The following CDH15 variants were observed in gnomAD, a reference collection of about 807,000 sequenced individuals.
CDH15 encodes the protein cadherin-15.
CDH15 carries 73 observed loss-of-function variants against 69.4 expected under a neutral mutation model. The ratio of observed to expected loss-of-function variants is 1.05; its 90% CI spans 0.87 to 1.28. CDH15 has a LOEUF of 1.28. Ranked by LOEUF, CDH15 falls within the 50% of genes most tolerant of loss-of-function variation. The pLI is 0.00. For synonymous variants in CDH15, 624 were observed against 507.7 expected, an observed-to-expected ratio of 1.23 and a Z score of -3.08; for missense variants, 1,343 against 1,133.6, an observed-to-expected ratio of 1.18 and a Z score of -2.65.
chr16:89,187,237 G>A (rs1168225635), intron 5 of CDH15, among the ~76,000 whole-genome samples, 192 bp from the exon 6 acceptor site: 1 of 152,254 alleles, frequency 6.6e-6, no homozygotes, highest in Non-Finnish European at 1.5e-5. Context: ...CAGTGCCATA[G>A]GCTAGGGCAG....
chr16:89,188,456 G>A (rs1199457388), intron 7 of CDH15, among the ~76,000 whole-genome samples, 171 bp downstream of exon 7: 1 of 97,990 alleles, frequency 1.0e-5, no homozygotes. Context: ...ACACATGCCG[G>A]CACACACAGA....
At chr16:89,188,638 ATGCACAGATGC>A (rs1304161507) in intron 7 of CDH15, among the ~76,000 whole-genome samples, 8 of 144,552 alleles carry the variant, frequency 5.5e-5, no homozygotes, top group East Asian at 2.2e-4. Context: ...ACAGATGCCC[ATGCACAGATGC>A]CGGCACACAC....
Position 89,171,814 on chromosome 16 carries a change from G to GCTCCCGC in CDH15, c.-14_-8dup. 6.5e-7 allele frequency: 1 copy of GCTCCCGC among 1,549,898 alleles called. No individual in the cohort carries two copies. The highest frequency in any genetic ancestry group is 8.7e-7 in the Non-Finnish European group (1 of 1,150,818). ...CGGGTCGCGGGTGCACTCCGGCCCG[G>GCTCCCGC]CTCCCGCCTCGGCCCCGATGGACGC... On this transcript the variant is annotated 5_prime_UTR_variant, in exon 1 of 14. Transcript: ENST00000289746.
At chr16:89,173,698 G>C (rs1416868385) in intron 1 of CDH15, among the ~76,000 whole-genome samples, 1 of 152,236 alleles carries the variant, frequency 6.6e-6, no homozygotes, top group Non-Finnish European at 1.5e-5. Flanking sequence ...CCCCCAGGCA[G>C]GCAGCGTGGG....
At position 89,192,266 on chromosome 16, in the gene CDH15, G is replaced by A. The variant is rs1363788762; in HGVS notation, c.1677G>A (p.Leu559=). 26 of 1,530,750 alleles carry A rather than the reference G, an allele frequency of 1.7e-5. No individual in the cohort carries two copies. Among genetic ancestry groups the A allele is most frequent in the Non-Finnish European group, 2.1e-5 (24 of 1,145,244 alleles). 94.8% of individuals were successfully genotyped at this position (1,530,750 alleles called of 1,614,324 possible). A position where few individuals can be genotyped will look rare whatever the true frequency, so the allele number is the denominator to read the frequency against. The change falls in exon 11 of 14, where the codon CTG becomes CTA. Residue 559 remains leucine, a synonymous_variant. Transcript: ENST00000289746. The part of the protein sequence containing the change: ...QVPEGLHRLS[L]LLRDSGQPPQ... The stretch of plus-strand genomic sequence containing the variant: ...CCGAAGGCCTGCACCGCCTCAGCCT[G>A]CTGCTCCGGGACTCGGGGCAGCCGC...
intron 5 of CDH15, 75 bp downstream of exon 5, chr16:89,185,408 G>A: frequency 6.8e-7 from 1 of 1,481,408 alleles, no homozygotes; most frequent in Admixed American, 2.0e-5. Context: ...TCTGCCCCCA[G>A]CCTGCCCACC....
rs201216557 is a variant in CDH15 at position 89,191,385 on chromosome 16, C to T, written c.1288C>T (p.Arg430Trp). 2.7e-5 allele frequency: 43 copies of T among 1,612,652 alleles called. No individual in the cohort carries two copies. The highest frequency in any genetic ancestry group is 3.1e-5 in the Non-Finnish European group (37 of 1,179,972). ...DWLQVDAATG[R>W]IQTQHVLSPA... ...GCTGCAAGTGGACGCAGCCACTGGC[C>T]GGATCCAGACCCAGCACGTGCTCAG... Residue 430 changes from arginine to tryptophan, a missense_variant, in exon 9 of 14, where the codon CGG (arginine) becomes TGG (tryptophan). Transcript: ENST00000289746.
intron 1 of CDH15, among the ~76,000 whole-genome samples, chr16:89,177,764 G>T (rs980133106): frequency 2.0e-5 from 3 of 152,204 alleles, no homozygotes; most frequent in Admixed American, 6.5e-5. Flanking sequence ...TGTCCGTGCC[G>T]AGCCGAGTGG....
In CDH15 at chr16:89,192,378, G is replaced by A. The variant is rs778153562; in HGVS notation, c.1789G>A (p.Ala597Thr). The A allele has an allele frequency of 2.8e-5, 43 of 1,536,758 alleles. No individual in the cohort carries two copies. The East Asian group carries it at 8.8e-4, about 31-fold the overall frequency. Residue 597 changes from alanine (A) to threonine (T), a missense_variant, in exon 11 of 14, where the codon GCG (alanine) becomes ACG (threonine). Coordinates refer to ENST00000289746, the MANE Select transcript of CDH15 (RefSeq NM_004933.3). ...VCLPGAAALL[A>T]GGTGLSLGAL... ...CCTGCCGGGGGCCGCAGCGCTGCTG[G>A]CGGGGGGCACAGGCCTCAGCCTGGG...
At position 89,180,334 on chromosome 16, in the gene CDH15, C is replaced by G. The variant is rs374302975; in HGVS notation, c.336C>G (p.Arg112=). 1 of 1,612,414 alleles carries G rather than the reference C, an allele frequency of 6.2e-7. No homozygotes were observed. Among genetic ancestry groups the G allele is most frequent in the African/African-American group, 1.3e-5 (1 of 74,902 alleles). ...GKVFLNAMLD[R]EKTDRFRLRA... ...TCTTCCTCAATGCCATGCTGGACCG[C>G]GAGAAGACTGATCGCTTCAGGGTGC... Residue 112 remains arginine, a synonymous_variant, in exon 3 of 14, where the codon CGC becomes CGG. Coordinates refer to ENST00000289746, the MANE Select transcript of CDH15 (RefSeq NM_004933.3).
chr16:89,178,585 G>A (rs1597302521), intron 1 of CDH15, among the ~76,000 whole-genome samples: 1 of 151,840 alleles, frequency 6.6e-6, no homozygotes, highest in South Asian at 2.1e-4. Flanking sequence ...GGCAGCCCTG[G>A]CCCCTGCCCA....
In CDH15 at chr16:89,191,914, G is replaced by T; in HGVS notation, c.1615+20G>T. On this transcript the variant is annotated intron_variant, in intron 10 of 13. Coordinates refer to ENST00000289746, the MANE Select transcript of CDH15 (RefSeq NM_004933.3). ...TCAACGGTGCGCTCCCCTCACCGCC[G>T]CGCTCCCCCCATCCCCACGCTCCCC... The T allele has an allele frequency of 1.3e-6, 2 of 1,533,566 alleles. No individual in the cohort carries two copies. Among genetic ancestry groups the T allele is most frequent in the Non-Finnish European group, 1.7e-6 (2 of 1,144,738 alleles). 95.0% of individuals were successfully genotyped at this position (1,533,566 alleles called of 1,614,324 possible).
chr16:89,189,110 C>T (rs1288714491), intron 7 of CDH15, among the ~76,000 whole-genome samples: 1 of 145,800 alleles, frequency 6.9e-6, no homozygotes, highest in Non-Finnish European at 1.5e-5. Flanking sequence ...CACAGATGCC[C>T]ACGCACAGGT....
At chr16:89,182,433 G>T (rs1325738653) in intron 3 of CDH15, among the ~76,000 whole-genome samples, 3 of 150,892 alleles carry the variant, frequency 2.0e-5, no homozygotes, top group Non-Finnish European at 2.9e-5. Context: ...CTGAGGTCAG[G>T]AGTTTGAGAA....
rs1341329926 is a variant in CDH15 at position 89,195,286 on chromosome 16, A to C, written c.*131A>C. ...CCTCCTTCCTGTAGGCGAGGGCCCA[A>C]GTCTGGGGGCAGAACCTGAGTGTGG... is the stretch of plus-strand genomic sequence containing the variant. On this transcript the variant is annotated 3_prime_UTR_variant, in exon 14 of 14. Transcript: ENST00000289746. 2.1e-6 allele frequency: 2 copies of C among 966,562 alleles called. No individual in the cohort carries two copies. The highest frequency in any genetic ancestry group is 5.3e-5 in the East Asian group (2 of 37,800). 59.9% of individuals were successfully genotyped at this position (966,562 alleles called of 1,614,324 possible).
chr16:89,180,253 C>G lies in CDH15; in HGVS notation c.255C>G (p.Pro85=). The change falls in exon 3 of 14, where the codon CCC becomes CCG. Residue 85 remains proline, a synonymous_variant. Coordinates refer to ENST00000289746, the MANE Select transcript of CDH15 (RefSeq NM_004933.3). The stretch of plus-strand genomic sequence containing the variant: ...GCGTCATCTACAGCATCCAGGGACC[C>G]GGCGTGGATGAGGAGCCCCGGGGCG... ...LGSVIYSIQG[P]GVDEEPRGVF... is the part of the protein sequence containing the mutation. The G allele has an allele frequency of 6.2e-7, 1 of 1,609,704 alleles. No homozygotes were observed. Among genetic ancestry groups the G allele is most frequent in the East Asian group, 2.2e-5 (1 of 44,606 alleles).
Position 89,193,609 on chromosome 16 carries a change from G to C in CDH15, c.1992+3G>C. On this transcript the variant is annotated splice_donor_region_variant and intron_variant, in intron 12 of 13. Transcript: ENST00000289746. ...AAGGAGGCGGGGAGGAGGACCAGGT[G>C]AGGGGGCAGGTGTGGGTGGGGAGGG... 6.3e-7 allele frequency: 1 copy of C among 1,589,214 alleles called. No homozygotes were observed. The highest frequency in any genetic ancestry group is 1.1e-5 in the South Asian group (1 of 88,198).
At chr16:89,180,496 G>A in intron 3 of CDH15, 141 bp downstream of exon 3, 1 of 959,296 alleles carries the variant, frequency 1.0e-6, no homozygotes, top group East Asian at 2.6e-5. Context: ...TAAGTGAGGG[G>A]GCAGGTACAG....
At chr16:89,182,728 C>G (rs1187412026) in intron 3 of CDH15, 3 of 152,214 alleles carry the variant, frequency 2.0e-5, no homozygotes, top group Non-Finnish European at 4.4e-5. Flanking sequence ...AGCAAAATTT[C>G]CTTTTATTTG....
Sources: gnomAD v4.1 joint callset for allele counts (sites outside exome capture counted in the v4.1 genomes callset) on GRCh38, gnomAD v4.1.1 for gene constraint, MANE v1.5 for transcripts, NCBI Gene and HGNC (gene_info 2026-07-23, HGNC 2026-07-21) for gene names.